The following KCNIP4 variants were observed in gnomAD, a reference collection of about 807,000 sequenced individuals.
The protein encoded by KCNIP4 is potassium voltage-gated channel interacting protein 4.
A neutral mutation model predicts 34.0 loss-of-function variants in KCNIP4; 12 were observed. The observed-to-expected ratio is 0.35, with a 90% confidence interval of 0.23 to 0.57. KCNIP4 has a LOEUF of 0.57. KCNIP4 is among the 20% of genes least tolerant of loss of function. The pLI, the probability that KCNIP4 is intolerant of heterozygous loss-of-function variation, is 0.83. For missense variants in KCNIP4, 238 were observed against 311.7 expected, an observed-to-expected ratio of 0.76 and a Z score of 1.78; for synonymous variants, 124 against 102.2, an observed-to-expected ratio of 1.21 and a Z score of -1.29.
intron 5 of KCNIP4, among the ~76,000 whole-genome samples, chr4:20,747,778 T>G (rs1019007370): frequency 1.3e-5 from 2 of 152,174 alleles, no homozygotes; most frequent in Non-Finnish European, 2.9e-5. Flanking sequence ...GGAGTATGTG[T>G]GAGGAGGCTC....
chr4:20,994,309 CACGAAG>C (rs1205881632), intron 1 of KCNIP4, among the ~76,000 whole-genome samples: 4 of 152,108 alleles, frequency 2.6e-5, no homozygotes, highest in African/African-American at 9.7e-5. Flanking sequence ...AACTGAAGCT[CACGAAG>C]ACAGAGTCCA....
chr4:20,946,758 A>G (rs1691418232), intron 1 of KCNIP4, among the ~76,000 whole-genome samples: 1 of 152,106 alleles, frequency 6.6e-6, no homozygotes. Flanking sequence ...AAATACATTC[A>G]TTGGTGTGAG....
chr4:21,483,340 T>C (rs1180803435), intron 1 of KCNIP4, among the ~76,000 whole-genome samples: 1 of 152,136 alleles, frequency 6.6e-6, no homozygotes, highest in African/African-American at 2.4e-5. Flanking sequence ...GGTTTGGATC[T>C]GTGTTCCCAC....
rs188144393 is a variant in KCNIP4 at position 21,354,042 on chromosome 4, C to T, written c.62-471333G>A. Reference sequence around the variant, plus strand: ...TTCAACCCAGAATTTCATATCCATCCAAACTAAGCTTCATAAGTGTGGGAG... The same window carrying T: ...TTCAACCCAGAATTTCATATCCATCTAAACTAAGCTTCATAAGTGTGGGAG... On this transcript the variant is annotated intron_variant, in intron 1 of 8. Transcript: ENST00000382152. 2.0e-3 allele frequency among the ~76,000 whole-genome samples: 301 copies of T among 152,220 alleles called. 1 individual carries two copies. The highest frequency in any genetic ancestry group is 0.01 in the East Asian group (54 of 5,158).
intron 1 of KCNIP4, among the ~76,000 whole-genome samples, chr4:21,118,045 T>C (rs1749836097): frequency 6.6e-6 from 1 of 152,130 alleles, no homozygotes; most frequent in South Asian, 2.1e-4. Context: ...GAGAGGAGGA[T>C]AGGCATGTGG....
chr4:21,776,789 G>C (rs1335279308), intron 1 of KCNIP4, among the ~76,000 whole-genome samples: 1 of 151,940 alleles, frequency 6.6e-6, no homozygotes, highest in Non-Finnish European at 1.5e-5. Flanking sequence ...TATTTTTTGA[G>C]ACAGAGACTC....
chr4:21,176,473 T>C (rs1754419040), intron 1 of KCNIP4, among the ~76,000 whole-genome samples: 1 of 152,090 alleles, frequency 6.6e-6, no homozygotes, highest in South Asian at 2.1e-4. Flanking sequence ...AAATGGAAAA[T>C]CACTGGATTC....
intron 1 of KCNIP4, among the ~76,000 whole-genome samples, chr4:21,590,992 ACACTATACCTTGT>A (rs1560542192): frequency 6.6e-6 from 1 of 152,030 alleles, no homozygotes; most frequent in Non-Finnish European, 1.5e-5. Context: ...ACACACAAGA[ACACTATACCTTGT>A]CAAGAGGAGG....
Position 21,081,509 on chromosome 4 carries a change from G to A in KCNIP4, c.62-198800C>T, listed in dbSNP as rs16870334. Among the ~76,000 whole-genome samples the A allele has an allele frequency of 6.6e-3, 1,002 of 151,528 alleles. 32 individuals carry two copies. Among genetic ancestry groups the A allele is most frequent in the African/African-American group, 0.022 (893 of 41,166 alleles). On this transcript the variant is annotated intron_variant, in intron 1 of 8. Transcript: ENST00000382152. ...TATGTTTTAAAATTAACCTCAAAAC[G>A]GCCCCAAATTTTGTTAAAACTATAG... is the stretch of plus-strand genomic sequence containing the variant.
chr4:21,192,948 AC>A lies in KCNIP4; in HGVS notation c.62-310240del, dbSNP rs1560797556. Among the ~76,000 whole-genome samples the A allele has an allele frequency of 2.9e-3, 419 of 146,188 alleles. 2 individuals carry two copies. The highest frequency in any genetic ancestry group is 0.01 in the African/African-American group (394 of 39,308). ...TACTACTACTACTACTACTACTACT[AC>A]TACTAATAATAATAATAATTAGTTG... On this transcript the variant is annotated intron_variant, in intron 1 of 8. Coordinates refer to ENST00000382152, the MANE Select transcript of KCNIP4 (RefSeq NM_025221.6).
At chr4:21,282,091 T>C (rs760479735) in intron 1 of KCNIP4, among the ~76,000 whole-genome samples, 3 of 152,198 alleles carry the variant, frequency 2.0e-5, no homozygotes, top group Non-Finnish European at 4.4e-5. Flanking sequence ...TTGAAAAATA[T>C]CAGGTAAGTT....
intron 1 of KCNIP4, among the ~76,000 whole-genome samples, chr4:21,724,512 C>T (rs1042688377): frequency 2.0e-5 from 3 of 151,048 alleles, no homozygotes; most frequent in Admixed American, 6.6e-5. Flanking sequence ...ATGTTGCTTG[C>T]GGAGCAATTC....
chr4:20,823,847 G>A (rs896601957), intron 3 of KCNIP4, among the ~76,000 whole-genome samples: 9 of 152,196 alleles, frequency 5.9e-5, no homozygotes, highest in African/African-American at 1.9e-4. Flanking sequence ...TGGAGATATT[G>A]CAATAGTCAA....
At chr4:21,678,642 C>A (rs1472898514) in intron 1 of KCNIP4, among the ~76,000 whole-genome samples, 1 of 152,184 alleles carries the variant, frequency 6.6e-6, no homozygotes, top group Non-Finnish European at 1.5e-5. Flanking sequence ...TGGAACACAG[C>A]CTGCCTTGTG....
At chr4:21,179,782 C>G (rs1472108390) in intron 1 of KCNIP4, among the ~76,000 whole-genome samples, 1 of 152,118 alleles carries the variant, frequency 6.6e-6, no homozygotes, top group African/African-American at 2.4e-5. Context: ...GGTGAGAAAA[C>G]AATGTTTTTT....
intron 1 of KCNIP4, among the ~76,000 whole-genome samples, chr4:21,457,759 C>T (rs376571388): frequency 6.6e-6 from 1 of 152,002 alleles, no homozygotes; most frequent in Non-Finnish European, 1.5e-5. Context: ...AAAGCAAATG[C>T]CAACCATGTG....
intron 1 of KCNIP4, among the ~76,000 whole-genome samples, chr4:21,740,513 C>G (rs1413460295): frequency 6.6e-6 from 1 of 151,964 alleles, no homozygotes; most frequent in African/African-American, 2.4e-5. Flanking sequence ...GGTAAGCAAT[C>G]AGAGAAGGAG....
intron 1 of KCNIP4, among the ~76,000 whole-genome samples, chr4:21,306,324 A>G (rs758428073): frequency 1.3e-5 from 2 of 152,250 alleles, no homozygotes; most frequent in Non-Finnish European, 2.9e-5. Flanking sequence ...AGTGCTTATC[A>G]GCATGGGGTG....
chr4:20,753,713 A>G (rs1230136916), intron 4 of KCNIP4, among the ~76,000 whole-genome samples: 1 of 152,200 alleles, frequency 6.6e-6, no homozygotes, highest in East Asian at 1.9e-4. Flanking sequence ...TTCTGTCAAT[A>G]AGCCCTCTGT....
Sources: gnomAD v4.1 joint callset for allele counts (sites outside exome capture counted in the v4.1 genomes callset) on GRCh38, gnomAD v4.1.1 for gene constraint, MANE v1.5 for transcripts, NCBI Gene and HGNC (gene_info 2026-07-23, HGNC 2026-07-21) for gene names.